Variants in TRPM3 observed in about 807,000 individuals in gnomAD.
The protein encoded by TRPM3 is long transient receptor potential channel 3.
Under a neutral mutation model 181.2 loss-of-function variants are expected in TRPM3, and 77 were observed. That is an observed-to-expected ratio of 0.42 (90% confidence interval 0.35 to 0.51). The LOEUF is 0.51. Ranked by LOEUF, TRPM3 falls within the 20% of genes least tolerant of loss-of-function variation. The pLI is 0.01. For missense variants in TRPM3, 1,759 were observed against 2,196.7 expected (o/e 0.80, Z 3.98); for synonymous variants, 745 against 796.4 (o/e 0.94, Z 1.09).
At chr9:70,667,028 C>A (rs1388407252) in intron 9 of TRPM3, among the ~76,000 whole-genome samples, 1 of 151,714 alleles carries the variant, frequency 6.6e-6, no homozygotes, top group Non-Finnish European at 1.5e-5. Context: ...TTTGATTTCT[C>A]TGAGGCTATT....
intron 1 of TRPM3, among the ~76,000 whole-genome samples, chr9:71,305,737 A>C (rs939122195): frequency 5.3e-5 from 8 of 152,186 alleles, no homozygotes; most frequent in African/African-American, 1.9e-4. Context: ...ATGGTAGGAA[A>C]GCGCTAACAG....
At chr9:71,428,451 A>T (rs1248103385) in intron 1 of TRPM3, among the ~76,000 whole-genome samples, 1 of 151,720 alleles carries the variant, frequency 6.6e-6, no homozygotes, top group African/African-American at 2.4e-5. Context: ...AAGTTTGGGA[A>T]CCCTTCTCCC....
At chr9:71,315,582 T>C (rs1588449561) in intron 1 of TRPM3, among the ~76,000 whole-genome samples, 1 of 152,166 alleles carries the variant, frequency 6.6e-6, no homozygotes, top group South Asian at 2.1e-4. Context: ...TCCAGCTAAG[T>C]TTATAGCCAT....
chr9:71,234,774 G>C (rs766061884), intron 1 of TRPM3, among the ~76,000 whole-genome samples: 1 of 152,168 alleles, frequency 6.6e-6, no homozygotes, highest in African/African-American at 2.4e-5. Flanking sequence ...ATTTGGAGGA[G>C]TGTGCACACT....
chr9:71,284,651 G>T (rs1044788974), intron 1 of TRPM3, among the ~76,000 whole-genome samples: 5 of 152,142 alleles, frequency 3.3e-5, no homozygotes, highest in Admixed American at 3.3e-4. Context: ...TAGTAGAATT[G>T]ACCATGCTGA....
At chr9:70,999,686 G>A (rs569000535) in intron 1 of TRPM3, among the ~76,000 whole-genome samples, 14 of 152,234 alleles carry the variant, frequency 9.2e-5, no homozygotes, top group South Asian at 2.1e-4. Flanking sequence ...TTCCCTAACT[G>A]CAGGATGGAT....
At chr9:71,328,542 G>T (rs2089887715) in intron 1 of TRPM3, among the ~76,000 whole-genome samples, 1 of 152,136 alleles carries the variant, frequency 6.6e-6, no homozygotes, top group Non-Finnish European at 1.5e-5. Flanking sequence ...AAAAATGTCT[G>T]TTTTTTACTT....
chr9:71,171,285 T>C (rs1035415810), intron 1 of TRPM3, among the ~76,000 whole-genome samples: 1 of 152,162 alleles, frequency 6.6e-6, no homozygotes, highest in Non-Finnish European at 1.5e-5. Context: ...ACTTGCCTTG[T>C]GATATTCTAT....
intron 1 of TRPM3, among the ~76,000 whole-genome samples, chr9:71,244,119 T>C (rs528134143): frequency 2.0e-4 from 30 of 152,136 alleles, no homozygotes; most frequent in African/African-American, 7.0e-4. Context: ...ATACTAGAAG[T>C]GGGAACAAGG....
intron 8 of TRPM3, among the ~76,000 whole-genome samples, chr9:70,683,783 C>A (rs2066086090): frequency 6.6e-6 from 1 of 152,098 alleles, no homozygotes. Flanking sequence ...AAAGTTTCCA[C>A]TTGGAAGTTG....
At chr9:71,034,777 G>T (rs954583388) in intron 1 of TRPM3, among the ~76,000 whole-genome samples, 20 of 151,092 alleles carry the variant, frequency 1.3e-4, no homozygotes, top group Non-Finnish European at 2.2e-4. Context: ...AGAGAGAGAT[G>T]TTGGGTTGTT....
chr9:71,323,285 C>A (rs1225132944), intron 1 of TRPM3, among the ~76,000 whole-genome samples: 1 of 152,108 alleles, frequency 6.6e-6, no homozygotes, highest in Non-Finnish European at 1.5e-5. Flanking sequence ...TTCAGGAATA[C>A]CAGCTGCCAA....
intron 1 of TRPM3, among the ~76,000 whole-genome samples, chr9:70,935,529 C>A (rs1017176964): frequency 1.3e-5 from 2 of 152,186 alleles, no homozygotes; most frequent in Non-Finnish European, 2.9e-5. Flanking sequence ...AGGTTGCCTG[C>A]AAATTTACCT....
intron 1 of TRPM3, among the ~76,000 whole-genome samples, chr9:70,912,700 C>T (rs2096550252): frequency 6.6e-6 from 1 of 151,984 alleles, no homozygotes; most frequent in African/African-American, 2.4e-5. Flanking sequence ...GAAGAGAAAG[C>T]CTGGAAAACA....
intron 1 of TRPM3, among the ~76,000 whole-genome samples, chr9:71,019,193 G>A (rs530872235): frequency 6.6e-6 from 1 of 151,944 alleles, no homozygotes; most frequent in South Asian, 2.1e-4. Context: ...TTCCTCTGGA[G>A]ACCTGGAAAA....
At chr9:71,046,616 C>T (rs1490897586) in intron 1 of TRPM3, among the ~76,000 whole-genome samples, 5 of 152,316 alleles carry the variant, frequency 3.3e-5, no homozygotes, top group African/African-American at 1.2e-4. Flanking sequence ...CGACCTATCA[C>T]CCACCCTCCT....
In TRPM3 at chr9:71,241,409, C is replaced by T. The variant is rs188339265; in HGVS notation, c.183+205244G>A. 1.0e-4 allele frequency among the ~76,000 whole-genome samples: 15 copies of T among 150,334 alleles called. No homozygotes were observed. In the East Asian group the frequency reaches 2.8e-3, roughly 28 times the overall value. ...ACTATCGCAAGGACAAAAAACCAAA[C>T]ATCGCATGTTCTCACTCATAGGTGG... On this transcript the variant is annotated intron_variant, in intron 1 of 24. Coordinates refer to the TRPM3 transcript ENST00000357533.
At chr9:71,431,825 T>C (rs2093958233) in intron 1 of TRPM3, among the ~76,000 whole-genome samples, 1 of 152,150 alleles carries the variant, frequency 6.6e-6, no homozygotes, top group Non-Finnish European at 1.5e-5. Context: ...AATGCCAAAA[T>C]TATGCTCATT....
At chr9:70,555,445 T>C (rs1297278272) in intron 22 of TRPM3, among the ~76,000 whole-genome samples, 1 of 152,206 alleles carries the variant, frequency 6.6e-6, no homozygotes, top group Non-Finnish European at 1.5e-5. Flanking sequence ...TCTGGCTCAG[T>C]GCATACACAT....
Sources: allele counts gnomAD v4.1 joint callset (sites outside exome capture counted in the v4.1 genomes callset), GRCh38; gene constraint gnomAD v4.1.1; transcripts MANE v1.5; gene names NCBI Gene and HGNC (gene_info 2026-07-23, HGNC 2026-07-21).